BTNL9: variants seen among roughly 807,000 people sequenced by gnomAD.
The protein encoded by BTNL9 is butyrophilin-like protein 9.
A neutral mutation model predicts 45.8 loss-of-function variants in BTNL9; 45 were observed. The ratio of observed to expected loss-of-function variants is 0.98; its 90% CI spans 0.77 to 1.26. The LOEUF (loss-of-function observed/expected upper bound fraction) is 1.26, where lower values mean the gene tolerates loss of function less well. BTNL9 is among the 50% of genes most tolerant of loss of function. The pLI is 0.00. For missense variants in BTNL9, 784 were observed against 729.7 expected, an observed-to-expected ratio of 1.07 and a Z score of -0.86; for synonymous variants, 346 against 330.8, an observed-to-expected ratio of 1.05 and a Z score of -0.50.
At chr5:181,058,887 G>A (rs1762015168) in intron 10 of BTNL9, among the ~76,000 whole-genome samples, 2 of 151,220 alleles carry the variant, frequency 1.3e-5, no homozygotes, top group African/African-American at 4.9e-5. Context: ...CCAAGGTCAC[G>A]CAGGGTGGTG....
In BTNL9 at chr5:181,059,001, A is replaced by G. The variant is rs79829334; in HGVS notation, c.983-236A>G. The G allele has an allele frequency of 2.4e-3, 674 of 279,988 alleles. 2 individuals are homozygous for G. The highest frequency in any genetic ancestry group is 0.014 in the African/African-American group (636 of 43,892). The allele number at this position is 279,988 out of a possible 1,614,324, so 17.3% of individuals were successfully genotyped here. A position where few individuals can be genotyped will look rare whatever the true frequency, so the allele number is the denominator to read the frequency against. ...CTTTGCTATCTCTGGTATGGAATTC[A>G]GGGACCTTCCAGTTCAGGAAAGGAC... On this transcript the variant is annotated intron_variant, in intron 10 of 10. Transcript: ENST00000327705.
At position 181,055,361 on chromosome 5, in the gene BTNL9, C is replaced by A; in HGVS notation, c.908-72C>A. 3.1e-6 allele frequency: 5 copies of A among 1,613,328 alleles called. No individual in the cohort carries two copies. The highest frequency in any genetic ancestry group is 4.2e-6 in the Non-Finnish European group (5 of 1,179,754). ...GGCTTAAGACTAAGGAAGCTCTTCC[C>A]AGTGGCCTGTCTTGGGAAGATGGTT... On this transcript the variant is annotated intron_variant, in intron 7 of 10. Transcript: ENST00000327705. This position sits in a 1 kb window ranked among gnomAD's most constrained non-coding sequence, Gnocchi z 4.4.
rs1014497899 is a variant in BTNL9, at chr5:181,055,612, A to G, written c.928+159A>G. 7.9e-6 allele frequency: 7 copies of G among 889,698 alleles called. No individual in the cohort carries two copies. Among genetic ancestry groups the G allele is most frequent in the Non-Finnish European group, 1.2e-5 (7 of 560,310 alleles). 55.1% of individuals were successfully genotyped at this position (889,698 alleles called of 1,614,324 possible). The stretch of plus-strand genomic sequence containing the variant: ...GTGAAACCCCGTCTCTTCTAAAAAT[A>G]CAAAAAATTAGCCCGGCGTGGCGGC... On this transcript the variant is annotated intron_variant, in intron 8 of 10. Transcript: ENST00000327705. This position sits in a 1 kb window ranked among gnomAD's most constrained non-coding sequence, Gnocchi z 4.4.
At position 181,045,691 on chromosome 5, in the gene BTNL9, C is replaced by G. The variant is rs898943188; in HGVS notation, c.109+93C>G. On this transcript the variant is annotated intron_variant, in intron 2 of 10. Coordinates refer to ENST00000327705, the MANE Select transcript of BTNL9 (RefSeq NM_152547.5). ...CTACGATCTTAGCACAGTACCAGGG[C>G]GTGCCAGACGCTAAAATACAAAAAA... 1.4e-5 allele frequency: 14 copies of G among 986,416 alleles called. No homozygotes were observed. The African/African-American group carries it at 2.1e-4, about 15-fold the overall frequency. 61.1% of individuals were successfully genotyped at this position (986,416 alleles called of 1,614,324 possible). A position where few individuals can be genotyped will look rare whatever the true frequency, so the allele number is the denominator to read the frequency against.
Position 181,055,061 on chromosome 5 carries a change from C to T in BTNL9, c.908-372C>T, listed in dbSNP as rs933831774. On this transcript the variant is annotated intron_variant, in intron 7 of 10. Transcript: ENST00000327705. This position sits in a 1 kb window ranked among gnomAD's most constrained non-coding sequence, Gnocchi z 4.4. Reference sequence around the variant, plus strand: ...TCAGATAACGCACCCGGTGAGTGACCGTGAGGCTCACGTAGGCGGCCCTCA... The same window carrying T: ...TCAGATAACGCACCCGGTGAGTGACTGTGAGGCTCACGTAGGCGGCCCTCA... 23 of 1,072,370 alleles carry T rather than the reference C, an allele frequency of 2.1e-5. No homozygotes were observed. Among genetic ancestry groups the T allele is most frequent in the South Asian group, 4.0e-5 (1 of 25,176 alleles). The allele number at this position is 1,072,370 out of a possible 1,614,324, so 66.4% of individuals were successfully genotyped here. A position where few individuals can be genotyped will look rare whatever the true frequency, so the allele number is the denominator to read the frequency against.
At chr5:181,045,747 A>C in intron 2 of BTNL9, 149 bp downstream of exon 2, 1 of 646,300 alleles carries the variant, frequency 1.5e-6, no homozygotes, top group Non-Finnish European at 2.7e-6. Flanking sequence ...AAGAGCCACT[A>C]CCCCGAGCAT....
chr5:181,050,386 TCACACCC>T lies in BTNL9; in HGVS notation c.736+18_736+24del, dbSNP rs774215614. The T allele has an allele frequency of 1.2e-6, 2 of 1,612,260 alleles. No individual in the cohort carries two copies. Among genetic ancestry groups the T allele is most frequent in the Non-Finnish European group, 1.7e-6 (2 of 1,178,992 alleles). ...AGATAGCAGGTCAGTGGCTGTTAGC[TCACACCC>T]ATCTTCCTAGTCCTCATGTGTACAT... On this transcript the variant is annotated intron_variant, in intron 4 of 10. Coordinates refer to ENST00000327705, the MANE Select transcript of BTNL9 (RefSeq NM_152547.5). The surrounding 1 kb of genome is among the most constrained non-coding windows in gnomAD (Gnocchi z 4.9).
At chr5:181,043,577 C>A (rs1760922554) in intron 1 of BTNL9, 1 of 152,250 alleles carries the variant, frequency 6.6e-6, no homozygotes, top group South Asian at 2.1e-4. Flanking sequence ...TCGACTAATT[C>A]CCCAGAACCC....
In BTNL9 at chr5:181,054,259, G is replaced by T; in HGVS notation, c.907G>T (p.Glu303Ter). ...KRQEKLTAEL[E>*]KLQTELDWRR... ...TCTAGAGAAACTCACTGCAGAGCTG[G>T]GTAAGTTCTGGGTGCGGGGCCACAG... Residue 303 changes from glutamate (E) to a stop codon, truncating the protein, a stop_gained and splice_region_variant, in exon 7 of 11, where the codon GAA (glutamate) becomes TAA (stop). Coordinates refer to ENST00000327705, the MANE Select transcript of BTNL9 (RefSeq NM_152547.5). LOFTEE classifies it high-confidence loss of function. 6.2e-7 allele frequency: 1 copy of T among 1,611,420 alleles called. No homozygotes were observed. The highest frequency in any genetic ancestry group is 8.5e-7 in the Non-Finnish European group (1 of 1,179,670).
chr5:181,048,615 G>C (rs561092774), intron 3 of BTNL9, among the ~76,000 whole-genome samples: 25 of 151,056 alleles, frequency 1.7e-4, no homozygotes, highest in Non-Finnish European at 2.4e-4. Context: ...GTGCGTGCCT[G>C]TAGTCCCAGC....
chr5:181,054,216 C>CTTTTTT, intron 6 of BTNL9, 23 bp from the exon 7 acceptor site: 1 of 1,552,770 alleles, frequency 6.4e-7, no homozygotes, highest in Non-Finnish European at 8.7e-7. Flanking sequence ...TTTTCTTCAT[C>CTTTTTT]TTTTTTTTTT....
rs527360852 is a variant in BTNL9 at position 181,053,103 on chromosome 5, C to T, written c.737-97C>T. 6.4e-4 allele frequency: 694 copies of T among 1,086,728 alleles called. 6 individuals carry two copies. The South Asian group carries it at 6.4e-3, about 10-fold the overall frequency. The allele number at this position is 1,086,728 out of a possible 1,614,324, so 67.3% of individuals were successfully genotyped here. A position where few individuals can be genotyped will look rare whatever the true frequency, so the allele number is the denominator to read the frequency against. ...GCTGCGGTGGCGCCCGGAGAAGGTC[C>T]CGCGGGAGGTTTCCCGGCACGCGGC... On this transcript the variant is annotated intron_variant, in intron 4 of 10. Transcript: ENST00000327705. This position sits in a 1 kb window ranked among gnomAD's most constrained non-coding sequence, Gnocchi z 6.5.
At chr5:181,044,525 C>G (rs866895930) in intron 1 of BTNL9, among the ~76,000 whole-genome samples, 8 of 152,150 alleles carry the variant, frequency 5.3e-5, no homozygotes, top group Non-Finnish European at 7.3e-5. Context: ...TTCAAGAGCT[C>G]CTAGCAACCC....
At chr5:181,049,211 G>A (rs1262872759) in intron 3 of BTNL9, among the ~76,000 whole-genome samples, 1 of 151,870 alleles carries the variant, frequency 6.6e-6, no homozygotes, top group African/African-American at 2.4e-5. Flanking sequence ...CCCACCTCCA[G>A]GAACTTACTC....
Position 181,053,706 on chromosome 5 carries a change from C to T in BTNL9, c.886+205C>T. The stretch of plus-strand genomic sequence containing the variant: ...CGGAGGTGCGGAACGGCTGCATTTT[C>T]CACGGAGGCTAGTGCACAGATGTCA... On this transcript the variant is annotated intron_variant, in intron 6 of 10. Transcript: ENST00000327705. The surrounding 1 kb of genome is among the most constrained non-coding windows in gnomAD (Gnocchi z 6.5). 2 of 1,510,206 alleles carry T rather than the reference C, an allele frequency of 1.3e-6. No individual in the cohort carries two copies. Among genetic ancestry groups the T allele is most frequent in the South Asian group, 1.3e-5 (1 of 76,766 alleles). The allele number at this position is 1,510,206 out of a possible 1,614,324, so 93.6% of individuals were successfully genotyped here.
chr5:181,059,290 G>C lies in BTNL9; in HGVS notation c.1036G>C (p.Asp346His). 1 of 1,572,232 alleles carries C rather than the reference G, an allele frequency of 6.4e-7. No homozygotes were observed. Among genetic ancestry groups the C allele is most frequent in the Non-Finnish European group, 8.6e-7 (1 of 1,166,890 alleles). ...SAHPSLEVSE[D>H]GKSVSSRGAP... Reference sequence around the variant, plus strand: ...GCACCCCAGCCTGGAGGTGTCGGAGGATGGCAAGAGCGTGTCTTCCCGCGG... The same window carrying C: ...GCACCCCAGCCTGGAGGTGTCGGAGCATGGCAAGAGCGTGTCTTCCCGCGG... Residue 346 changes from aspartate to histidine, a missense_variant, in exon 11 of 11, where the codon GAT becomes CAT. Coordinates refer to ENST00000327705, the MANE Select transcript of BTNL9 (RefSeq NM_152547.5).
At chr5:181,054,335 C>G in intron 7 of BTNL9, 76 bp downstream of exon 7, 1 of 1,588,722 alleles carries the variant, frequency 6.3e-7, no homozygotes, top group Non-Finnish European at 8.5e-7. Context: ...GAGGGGCTCC[C>G]TTTGGACAGC....
At chr5:181,059,070 T>C (rs1762024183) in intron 10 of BTNL9, 167 bp from the exon 11 acceptor site, 1 of 742,078 alleles carries the variant, frequency 1.3e-6, no homozygotes, top group Non-Finnish European at 1.6e-6. Flanking sequence ...GACTGACACA[T>C]GCCACTTCAG....
chr5:181,048,697 A>G (rs2113188258), intron 3 of BTNL9, among the ~76,000 whole-genome samples: 1 of 147,266 alleles, frequency 6.8e-6, no homozygotes, highest in African/African-American at 2.5e-5. Context: ...AGCCTGGGTG[A>G]CAACTCTGTC....
Sources: allele counts gnomAD v4.1 joint callset (sites outside exome capture counted in the v4.1 genomes callset), GRCh38; gene constraint gnomAD v4.1.1; non-coding constraint Gnocchi (gnomAD v3.1); transcripts MANE v1.5; gene names NCBI Gene and HGNC (gene_info 2026-07-23, HGNC 2026-07-21).